CAPN14: variants seen among roughly 807,000 people sequenced by gnomAD.
CAPN14 encodes the protein calpain 14, also known as calpain-14.
A neutral mutation model predicts 101.3 loss-of-function variants in CAPN14; 94 were observed. That is an observed-to-expected ratio of 0.93 (90% CI 0.79 to 1.10). The LOEUF (loss-of-function observed/expected upper bound fraction) is 1.10. Among genes scored for constraint, CAPN14 ranks in the 50% least tolerant of loss-of-function variants. The pLI is 0.00. For synonymous variants in CAPN14, 338 were observed against 317.9 expected (o/e 1.06, Z -0.67); for missense variants, 837 against 828.4 (o/e 1.01, Z -0.13).
intron 12 of CAPN14, 47 bp from the exon 13 acceptor site, chr2:31,189,525 G>C: frequency 6.8e-7 from 1 of 1,472,406 alleles, no homozygotes; most frequent in Non-Finnish European, 9.2e-7. Flanking sequence ...ATGACCCAGG[G>C]CTGTGGCCAG....
chr2:31,186,593 A>C, intron 15 of CAPN14, 108 bp from the exon 16 acceptor site: 1 of 792,048 alleles, frequency 1.3e-6, no homozygotes, highest in Non-Finnish European at 2.0e-6. Flanking sequence ...TTTCCTAAGA[A>C]CTTCACAATG....
intron 10 of CAPN14, 101 bp downstream of exon 10, chr2:31,193,030 T>A (rs1467107789): frequency 4.2e-6 from 5 of 1,198,618 alleles, no homozygotes; most frequent in Admixed American, 2.2e-5. Flanking sequence ...TCCTCCCCAC[T>A]CAGCCAATGC....
Position 31,202,983 on chromosome 2 carries a change from C to T in CAPN14, c.295+87G>A. Reference sequence around the variant, plus strand: ...GCCTCTCTCCAGTGGGGATCTCTGGCTTCTCTTCTTTATCAACCACTCTGT... The same window carrying T: ...GCCTCTCTCCAGTGGGGATCTCTGGTTTCTCTTCTTTATCAACCACTCTGT... On this transcript the variant is annotated intron_variant, in intron 3 of 21. Coordinates refer to ENST00000403897, the MANE Select transcript of CAPN14 (RefSeq NM_001145122.2). The T allele has an allele frequency of 3.4e-6, 4 of 1,164,874 alleles. No homozygotes were observed. In the South Asian group the frequency reaches 4.1e-5, roughly 12 times the overall value. The allele number at this position is 1,164,874 out of a possible 1,614,324, so 72.2% of individuals were successfully genotyped here. A position where few individuals can be genotyped will look rare whatever the true frequency, so the allele number is the denominator to read the frequency against.
At chr2:31,187,134 A>G (rs1422670497) in intron 15 of CAPN14, among the ~76,000 whole-genome samples, 5 of 152,204 alleles carry the variant, frequency 3.3e-5, no homozygotes, top group Non-Finnish European at 5.9e-5. Flanking sequence ...CATTGCTCAA[A>G]TATCAGACCC....
At chr2:31,186,665 T>G (rs1246217022) in intron 15 of CAPN14, among the ~76,000 whole-genome samples, 180 bp from the exon 16 acceptor site, 1 of 152,192 alleles carries the variant, frequency 6.6e-6, no homozygotes, top group African/African-American at 2.4e-5. Flanking sequence ...AGAACAGTGA[T>G]TCTCGAAGGT....
At chr2:31,224,900 T>C (rs1294265749) in intron 2 of CAPN14, among the ~76,000 whole-genome samples, 7 of 152,094 alleles carry the variant, frequency 4.6e-5, no homozygotes, top group Admixed American at 4.6e-4. Context: ...CATGTCATAT[T>C]CCTGGAGGGA....
rs988582977 is a variant in CAPN14 at position 31,231,226 on chromosome 2, C to T, written c.-177+2565G>A. ...TTTTACTATTGCTCTATAAGTTATA[C>T]ATTTTAGAATCACCTTGTCAATTTC... On this transcript the variant is annotated intron_variant and NMD_transcript_variant, in intron 1 of 21. Coordinates refer to the CAPN14 transcript ENST00000398824. 5.9e-5 allele frequency among the ~76,000 whole-genome samples: 9 copies of T among 152,096 alleles called. No homozygotes were observed. In the South Asian group the frequency reaches 1.9e-3, roughly 32 times the overall value.
chr2:31,208,805 A>G (rs889609407), intron 1 of CAPN14, among the ~76,000 whole-genome samples: 2 of 152,184 alleles, frequency 1.3e-5, no homozygotes, highest in Non-Finnish European at 2.9e-5. Context: ...GCAGCGTTGG[A>G]GCAGGTCCAC....
intron 1 of CAPN14, among the ~76,000 whole-genome samples, chr2:31,212,144 C>A (rs534723491): frequency 6.6e-6 from 1 of 152,048 alleles, no homozygotes; most frequent in South Asian, 2.1e-4. Context: ...ACCCCATCTC[C>A]ACTAAAAATA....
chr2:31,178,515 G>A lies in CAPN14; in HGVS notation c.1775C>T (p.Ser592Phe). 1 of 1,550,788 alleles carries A rather than the reference G, an allele frequency of 6.4e-7. No individual in the cohort carries two copies. The highest frequency in any genetic ancestry group is 8.7e-7 in the Non-Finnish European group (1 of 1,146,384). Residue 592 changes from serine (S) to phenylalanine (F), a missense_variant, in exon 18 of 22, where the codon TCT becomes TTT. Coordinates refer to ENST00000403897, the MANE Select transcript of CAPN14 (RefSeq NM_001145122.2). The part of the protein sequence containing the change: ...FRDLWKQLKL[S>F]QKVFHKQDRG... The stretch of plus-strand genomic sequence containing the variant: ...GTGGTTAAGACTTGTTCTTACCTGA[G>A]AGAGCTTCAGCTGCTTCCACAGGTC...
intron 16 of CAPN14, among the ~76,000 whole-genome samples, chr2:31,184,357 C>T (rs1216267398): frequency 6.6e-6 from 1 of 152,242 alleles, no homozygotes; most frequent in Non-Finnish European, 1.5e-5. Flanking sequence ...TTTGTCTCTT[C>T]TTTGACTTTT....
chr2:31,183,653 G>C (rs972729338), intron 16 of CAPN14, among the ~76,000 whole-genome samples: 3 of 152,182 alleles, frequency 2.0e-5, no homozygotes, highest in South Asian at 2.1e-4. Flanking sequence ...TCTCACACCA[G>C]TTAGAATGGC....
intron 1 of CAPN14, among the ~76,000 whole-genome samples, chr2:31,231,371 C>T (rs988789713): frequency 6.6e-6 from 1 of 152,194 alleles, no homozygotes; most frequent in Non-Finnish European, 1.5e-5. Flanking sequence ...TGGAACATGG[C>T]ATGTCTCTCC....
chr2:31,190,324 C>T (rs1396635125), intron 12 of CAPN14, among the ~76,000 whole-genome samples: 1 of 152,160 alleles, frequency 6.6e-6, no homozygotes, highest in African/African-American at 2.4e-5. Context: ...TCCAAATAAA[C>T]AGATATTTAG....
chr2:31,209,757 G>A (rs1422915901), intron 1 of CAPN14, among the ~76,000 whole-genome samples: 1 of 152,154 alleles, frequency 6.6e-6, no homozygotes, highest in African/African-American at 2.4e-5. Context: ...GGAGCCAGCT[G>A]TGCACATCTC....
At chr2:31,217,146 G>C (rs1448170964) in intron 1 of CAPN14, among the ~76,000 whole-genome samples, 1 of 152,092 alleles carries the variant, frequency 6.6e-6, no homozygotes, top group Non-Finnish European at 1.5e-5. Flanking sequence ...ATGACTTCGA[G>C]AGAAACCAGA....
chr2:31,231,007 T>C (rs1371070444), intron 1 of CAPN14, among the ~76,000 whole-genome samples: 4 of 152,198 alleles, frequency 2.6e-5, no homozygotes, highest in Non-Finnish European at 5.9e-5. Flanking sequence ...GCCAAAACCA[T>C]ATTAACCACT....
At chr2:31,180,633 A>G (rs1316395328) in intron 17 of CAPN14, among the ~76,000 whole-genome samples, 1 of 152,286 alleles carries the variant, frequency 6.6e-6, no homozygotes, top group African/African-American at 2.4e-5. Flanking sequence ...CCTCATCCTC[A>G]TTCCCAGGAA....
In CAPN14 at chr2:31,231,114, T is replaced by C. The variant is rs146737577; in HGVS notation, c.-177+2677A>G. On this transcript the variant is annotated intron_variant and NMD_transcript_variant, in intron 1 of 21. Coordinates refer to the CAPN14 transcript ENST00000398824. The stretch of plus-strand genomic sequence containing the variant: ...TCCTCTTCTCTTCTCTGTTCTCCTT[T>C]TTCTGCCCTCCTTCCCCTTCCACCT... 5.3e-3 allele frequency among the ~76,000 whole-genome samples: 812 copies of C among 152,190 alleles called. 11 individuals carry two copies. The highest frequency in any genetic ancestry group is 0.018 in the African/African-American group (765 of 41,494).
Sources: allele counts gnomAD v4.1 joint callset (sites outside exome capture counted in the v4.1 genomes callset), GRCh38; gene constraint gnomAD v4.1.1; transcripts MANE v1.5; gene names NCBI Gene and HGNC (gene_info 2026-07-23, HGNC 2026-07-21).